SRRM3: variants seen among roughly 807,000 people sequenced by gnomAD.
SRRM3 encodes serine/arginine repetitive matrix 3.
SRRM3 carries 27 observed loss-of-function variants against 66.2 expected under a neutral mutation model. The observed-to-expected ratio is 0.41, with a 90% CI of 0.30 to 0.56. The LOEUF is 0.56. Among genes scored for constraint, SRRM3 ranks in the 20% least tolerant of loss-of-function variants. SRRM3 has a pLI of 0.32. For synonymous variants in SRRM3, 391 were observed against 414.9 expected (o/e 0.94, Z 0.70); for missense variants, 918 against 991.9 (o/e 0.93, Z 1.00).
intron 11 of SRRM3, among the ~76,000 whole-genome samples, chr7:76,270,204 C>A (rs1554610357): frequency 6.6e-6 from 1 of 152,192 alleles, no homozygotes; most frequent in African/African-American, 2.4e-5. Context: ...TTGGAGCTTG[C>A]TGCTACTCCT....
intron 6 of SRRM3, 145 bp from the exon 7 acceptor site, chr7:76,261,207 G>A (rs1221411833): frequency 2.9e-6 from 2 of 692,652 alleles, no homozygotes; most frequent in Non-Finnish European, 4.8e-6. Flanking sequence ...GGGGCCTCGG[G>A]TCACTCTGTA....
Position 76,261,423 on chromosome 7 carries a change from G to C in SRRM3, c.638+9G>C, listed in dbSNP as rs1554608728. 1 of 1,605,174 alleles carries C rather than the reference G, an allele frequency of 6.2e-7. No homozygotes were observed. Among genetic ancestry groups the C allele is most frequent in the Non-Finnish European group, 8.5e-7 (1 of 1,176,114 alleles). Reference sequence around the variant, plus strand: ...AAGCATCGCCGAGACAGGTACCCTTGCTGCCCCCACCCTGGGGCCTCCTCT... The same window carrying C: ...AAGCATCGCCGAGACAGGTACCCTTCCTGCCCCCACCCTGGGGCCTCCTCT... On this transcript the variant is annotated intron_variant, in intron 7 of 14. Transcript: ENST00000611745.
chr7:76,279,727 A>C (rs1802446891), intron 11 of SRRM3, among the ~76,000 whole-genome samples: 1 of 152,126 alleles, frequency 6.6e-6, no homozygotes, highest in South Asian at 2.1e-4. Context: ...AGATAGAGGC[A>C]GGCTCTCAGA....
At chr7:76,265,321 G>A in intron 9 of SRRM3, 43 bp from the exon 10 acceptor site, 2 of 1,488,708 alleles carry the variant, frequency 1.3e-6, no homozygotes, top group East Asian at 4.8e-5. Context: ...GGATCACGGG[G>A]GGCAGAATTG....
chr7:76,211,875 T>G (rs1800442228), intron 1 of SRRM3, among the ~76,000 whole-genome samples: 1 of 149,392 alleles, frequency 6.7e-6, no homozygotes, highest in Non-Finnish European at 1.5e-5. Context: ...GGTCTCACTC[T>G]CTTGTCCAGG....
At chr7:76,283,512 C>T (rs1554612326) in intron 14 of SRRM3, 2 of 457,758 alleles carry the variant, frequency 4.4e-6, no homozygotes, top group South Asian at 1.6e-5. Flanking sequence ...TCCTTTTCTC[C>T]TTCATCTCAA....
chr7:76,274,021 C>T (rs1465746465), intron 11 of SRRM3, among the ~76,000 whole-genome samples: 2 of 152,232 alleles, frequency 1.3e-5, no homozygotes, highest in African/African-American at 4.8e-5. Flanking sequence ...TGCAGTGAAG[C>T]CAATTTGATT....
intron 3 of SRRM3, among the ~76,000 whole-genome samples, chr7:76,252,317 T>C (rs1801600044): frequency 6.6e-6 from 1 of 152,086 alleles, no homozygotes; most frequent in African/African-American, 2.4e-5. Context: ...TGAACTTATA[T>C]AGGTGTTTGC....
intron 3 of SRRM3, among the ~76,000 whole-genome samples, chr7:76,254,538 G>A (rs1801657861): frequency 6.6e-6 from 1 of 152,050 alleles, no homozygotes; most frequent in African/African-American, 2.4e-5. Flanking sequence ...GGCTTGTCTC[G>A]AACTCCTCAC....
intron 2 of SRRM3, among the ~76,000 whole-genome samples, chr7:76,238,605 C>A (rs1801205153): frequency 6.6e-6 from 1 of 152,130 alleles, no homozygotes; most frequent in Non-Finnish European, 1.5e-5. Context: ...GCTCCCACCC[C>A]AGCCCCCAGC....
chr7:76,261,504 C>T, intron 7 of SRRM3, 42 bp from the exon 8 acceptor site: 1 of 1,606,518 alleles, frequency 6.2e-7, no homozygotes, highest in Non-Finnish European at 8.5e-7. Context: ...TCCCCTGGGC[C>T]ACCCCAGGCA....
intron 2 of SRRM3, among the ~76,000 whole-genome samples, chr7:76,244,551 A>G (rs1801390771): frequency 6.6e-6 from 1 of 150,722 alleles, no homozygotes; most frequent in African/African-American, 2.4e-5. Context: ...AAAGTTGAAG[A>G]AGAAGAAGAA....
Position 76,267,304 on chromosome 7 carries a change from C to A in SRRM3, c.877C>A (p.Arg293=), listed in dbSNP as rs781927585. The change falls in exon 11 of 15, where the codon CGG becomes AGG. Residue 293 remains arginine (R), a synonymous_variant. Coordinates refer to ENST00000611745, the MANE Select transcript of SRRM3 (RefSeq NM_001110199.3). The stretch of plus-strand genomic sequence containing the variant: ...CGAAGGGCGAAAGACGGGCAGCCAG[C>A]GGTCCAGCGGAAGCCGGTCGCCTTC... ...RDEGRKTGSQ[R]SSGSRSPSPS... 3 of 1,553,060 alleles carry A rather than the reference C, an allele frequency of 1.9e-6. No individual in the cohort carries two copies. The highest frequency in any genetic ancestry group is 1.7e-6 in the Non-Finnish European group (2 of 1,155,720).
In SRRM3 at chr7:76,278,222, C is replaced by T. The variant is rs1022428664; in HGVS notation, c.1009-3219C>T. On this transcript the variant is annotated intron_variant, in intron 11 of 14. Coordinates refer to ENST00000611745, the MANE Select transcript of SRRM3 (RefSeq NM_001110199.3). ...CAACCCAAGGCCGGGCACGATGGCT[C>T]ACACCTGTAATCCCAGCACTTTGGG... Among the ~76,000 whole-genome samples the T allele has an allele frequency of 2.6e-5, 4 of 152,104 alleles. No homozygotes were observed. In the South Asian group the frequency reaches 8.3e-4, roughly 32 times the overall value.
chr7:76,283,196 T>C, intron 14 of SRRM3, 95 bp downstream of exon 14: 3 of 1,072,078 alleles, frequency 2.8e-6, no homozygotes, highest in Non-Finnish European at 3.5e-6. Flanking sequence ...TCTCTGAGGA[T>C]CCACTGAACC....
At chr7:76,216,840 G>A (rs1425924538) in intron 1 of SRRM3, among the ~76,000 whole-genome samples, 4 of 152,234 alleles carry the variant, frequency 2.6e-5, no homozygotes, top group African/African-American at 7.2e-5. Context: ...GCCTAGCAAC[G>A]AGAGGCGCAT....
intron 2 of SRRM3, among the ~76,000 whole-genome samples, chr7:76,240,167 A>AAAT (rs1401758242): frequency 6.6e-6 from 1 of 151,322 alleles, no homozygotes; most frequent in Non-Finnish European, 1.5e-5. Context: ...ACTCTGTCTC[A>AAAT]AATAATAATA....
intron 1 of SRRM3, among the ~76,000 whole-genome samples, chr7:76,215,547 G>A (rs544031208): frequency 4.0e-5 from 6 of 150,722 alleles, no homozygotes; most frequent in South Asian, 2.1e-4. Context: ...GACTACAGGC[G>A]TGCACTACTA....
intron 14 of SRRM3, 70 bp downstream of exon 14, chr7:76,283,171 T>C: frequency 7.9e-7 from 1 of 1,272,912 alleles, no homozygotes. Flanking sequence ...GACAGAGACC[T>C]CGGCCCGGGG....
Sources: gnomAD v4.1 joint callset for allele counts (sites outside exome capture counted in the v4.1 genomes callset) on GRCh38, gnomAD v4.1.1 for gene constraint, MANE v1.5 for transcripts, NCBI Gene and HGNC (gene_info 2026-07-23, HGNC 2026-07-21) for gene names.